LRP1B: variants seen among roughly 807,000 people sequenced by gnomAD.
The protein encoded by LRP1B is low-density lipoprotein receptor-related protein 1B.
A neutral mutation model predicts 556.6 loss-of-function variants in LRP1B; 217 were observed. The observed-to-expected ratio is 0.39, with a 90% CI of 0.35 to 0.44. The LOEUF is 0.44. Ranked by LOEUF, LRP1B falls within the 20% of genes least tolerant of loss-of-function variation. The pLI is 1.00. For synonymous variants in LRP1B, 2,047 were observed against 1,865.8 expected, an observed-to-expected ratio of 1.10 and a Z score of -2.50; for missense variants, 5,053 against 5,620.8, an observed-to-expected ratio of 0.90 and a Z score of 3.23.
At chr2:140,324,601 T>A (rs1448478074) in intron 80 of LRP1B, among the ~76,000 whole-genome samples, 1 of 152,030 alleles carries the variant, frequency 6.6e-6, no homozygotes, top group Admixed American at 6.6e-5. Context: ...AAATCATTCT[T>A]CATCTGATTA....
chr2:141,301,195 A>G (rs1686380066), intron 3 of LRP1B, among the ~76,000 whole-genome samples: 1 of 152,092 alleles, frequency 6.6e-6, no homozygotes, highest in Non-Finnish European at 1.5e-5. Context: ...TTTATCATTT[A>G]TTTGACTTCC....
chr2:141,062,341 G>T, intron 7 of LRP1B, 68 bp from the exon 8 acceptor site: 1 of 996,046 alleles, frequency 1.0e-6, no homozygotes, highest in Non-Finnish European at 1.5e-6. Context: ...GGAGCCATCT[G>T]TAAAAAACAG....
At chr2:141,094,851 C>T (rs555256523) in intron 7 of LRP1B, among the ~76,000 whole-genome samples, 4 of 152,250 alleles carry the variant, frequency 2.6e-5, no homozygotes, top group South Asian at 2.1e-4. Flanking sequence ...TCAATGAAAT[C>T]GGAAACAATT....
At chr2:141,349,960 A>T (rs1404799838) in intron 3 of LRP1B, among the ~76,000 whole-genome samples, 2 of 152,152 alleles carry the variant, frequency 1.3e-5, no homozygotes, top group African/African-American at 2.4e-5. Context: ...ATGGACTTAC[A>T]GTTCCACGTG....
intron 2 of LRP1B, among the ~76,000 whole-genome samples, chr2:141,559,803 A>G (rs1351733339): frequency 1.3e-5 from 2 of 151,734 alleles, no homozygotes; most frequent in African/African-American, 2.4e-5. Context: ...TTTGAAAAAT[A>G]CATTTTCCTA....
intron 2 of LRP1B, among the ~76,000 whole-genome samples, chr2:141,699,810 A>T (rs780812423): frequency 2.0e-5 from 3 of 149,986 alleles, no homozygotes; most frequent in Non-Finnish European, 3.0e-5. Context: ...TTGCCTTCTA[A>T]AAGTATGACA....
At chr2:140,985,216 A>G (rs1029338748) in intron 17 of LRP1B, among the ~76,000 whole-genome samples, 1 of 151,984 alleles carries the variant, frequency 6.6e-6, no homozygotes, top group Non-Finnish European at 1.5e-5. Context: ...AGGAGACTAG[A>G]GCATAGCACT....
intron 31 of LRP1B, among the ~76,000 whole-genome samples, chr2:140,837,945 A>T (rs538521329): frequency 2.5e-3 from 373 of 149,478 alleles, no homozygotes; most frequent in African/African-American, 8.4e-3. Context: ...AAGTATAATT[A>T]AAAAAAAATA....
intron 1 of LRP1B, among the ~76,000 whole-genome samples, chr2:141,902,502 C>T (rs537128463): frequency 6.6e-6 from 1 of 152,006 alleles, no homozygotes; most frequent in South Asian, 2.1e-4. Flanking sequence ...AAATTTTAAA[C>T]ACGAAATCTT....
intron 43 of LRP1B, among the ~76,000 whole-genome samples, chr2:140,576,661 T>C (rs1681538110): frequency 6.6e-6 from 1 of 152,176 alleles, no homozygotes. Flanking sequence ...CCAACACTCA[T>C]CACACCATTA....
intron 2 of LRP1B, among the ~76,000 whole-genome samples, chr2:141,636,996 A>G (rs1416141411): frequency 6.6e-6 from 1 of 152,178 alleles, no homozygotes; most frequent in Non-Finnish European, 1.5e-5. Context: ...AAAGAAAGTA[A>G]AGAGAGGCTT....
chr2:141,970,108 C>T (rs1701687505), intron 1 of LRP1B, among the ~76,000 whole-genome samples: 1 of 151,390 alleles, frequency 6.6e-6, no homozygotes, highest in South Asian at 2.1e-4. Context: ...GGCCCCTTGC[C>T]CATTTTAAAA....
chr2:141,787,472 G>A (rs1695463622), intron 2 of LRP1B, among the ~76,000 whole-genome samples: 1 of 151,804 alleles, frequency 6.6e-6, no homozygotes, highest in Non-Finnish European at 1.5e-5. Flanking sequence ...TATGCTGTGT[G>A]AAAGAAGCCA....
At chr2:141,970,146 G>A (rs1177105579) in intron 1 of LRP1B, among the ~76,000 whole-genome samples, 1 of 151,522 alleles carries the variant, frequency 6.6e-6, no homozygotes, top group Non-Finnish European at 1.5e-5. Context: ...TTTCTATAGT[G>A]TTGTTTGAGA....
intron 20 of LRP1B, among the ~76,000 whole-genome samples, chr2:140,934,528 G>A (rs1361213652): frequency 6.6e-6 from 1 of 152,064 alleles, no homozygotes; most frequent in African/African-American, 2.4e-5. Context: ...GTAAATTGTA[G>A]TTAATTTAGG....
chr2:141,468,196 A>G (rs890477114), intron 3 of LRP1B, among the ~76,000 whole-genome samples: 1 of 152,178 alleles, frequency 6.6e-6, no homozygotes, highest in Non-Finnish European at 1.5e-5. Flanking sequence ...TCTGTTTTGC[A>G]TAATTAATTT....
At chr2:141,489,815 T>C (rs145420715) in intron 2 of LRP1B, among the ~76,000 whole-genome samples, 4 of 152,300 alleles carry the variant, frequency 2.6e-5, no homozygotes, top group East Asian at 3.9e-4. Context: ...ACAATATTAA[T>C]TGAATCATTT....
intron 1 of LRP1B, among the ~76,000 whole-genome samples, chr2:141,879,044 T>C (rs1484992593): frequency 6.6e-6 from 1 of 151,840 alleles, no homozygotes; most frequent in South Asian, 2.1e-4. Context: ...TTAAAGAAAA[T>C]TATAAAAGAA....
rs2105385471 is a variant in LRP1B, at chr2:141,013,614, C to G, written c.2322G>C (p.Leu774=). The G allele has an allele frequency of 1.9e-6, 3 of 1,612,348 alleles. No homozygotes were observed. The highest frequency in any genetic ancestry group is 2.5e-6 in the Non-Finnish European group (3 of 1,179,012). Residue 774 remains leucine, a synonymous_variant, in exon 14 of 91, where the codon CTG becomes CTC. Transcript: ENST00000389484. ...LDLITSEVTL[L]RHERPPLFGL... ...CAAATAGGGGTGGTCTTTCATGCCTCAGCAATGTCACCTCACTTGTTATCA... is the reference window on the plus strand; with the variant it reads ...CAAATAGGGGTGGTCTTTCATGCCTGAGCAATGTCACCTCACTTGTTATCA...
Sources: allele counts gnomAD v4.1 joint callset (sites outside exome capture counted in the v4.1 genomes callset), GRCh38; gene constraint gnomAD v4.1.1; transcripts MANE v1.5; gene names NCBI Gene and HGNC (gene_info 2026-07-23, HGNC 2026-07-21).